CPEB3: variants seen among roughly 807,000 people sequenced by gnomAD.
The protein encoded by CPEB3 is cytoplasmic polyadenylation element-binding protein 3.
Under a neutral mutation model 67.2 loss-of-function variants are expected in CPEB3, and 20 were observed. The observed-to-expected ratio is 0.30, with a 90% CI of 0.21 to 0.43. CPEB3 has a LOEUF of 0.43. Among genes scored for constraint, CPEB3 ranks in the 20% least tolerant of loss-of-function variants. The pLI is 1.00. For synonymous variants in CPEB3, 376 were observed against 393.1 expected (o/e 0.96, Z 0.51); for missense variants, 746 against 968.6 (o/e 0.77, Z 3.05).
At chr10:92,151,044 G>A (rs532954887) in intron 4 of CPEB3, among the ~76,000 whole-genome samples, 2 of 152,296 alleles carry the variant, frequency 1.3e-5, no homozygotes, top group South Asian at 4.1e-4. Flanking sequence ...ATCTCTGAAT[G>A]TGGAGATGGC....
intron 9 of CPEB3, among the ~76,000 whole-genome samples, chr10:92,053,010 G>T (rs1841958248): frequency 6.6e-6 from 1 of 152,234 alleles, no homozygotes; most frequent in South Asian, 2.1e-4. Context: ...ATGCTGCTGT[G>T]AGGCTGTGCA....
At chr10:92,229,323 C>T (rs1203919269) in intron 2 of CPEB3, among the ~76,000 whole-genome samples, 1 of 152,168 alleles carries the variant, frequency 6.6e-6, no homozygotes, top group Non-Finnish European at 1.5e-5. Context: ...CTTCAGCAGC[C>T]ACACCCAGCC....
chr10:92,123,300 A>C (rs1332263509), intron 6 of CPEB3, among the ~76,000 whole-genome samples: 2 of 152,204 alleles, frequency 1.3e-5, no homozygotes, highest in African/African-American at 4.8e-5. Flanking sequence ...CTGACCAAGG[A>C]AACTGAGACC....
At chr10:92,088,039 C>T (rs1023663397) in intron 8 of CPEB3, among the ~76,000 whole-genome samples, 7 of 152,066 alleles carry the variant, frequency 4.6e-5, no homozygotes, top group African/African-American at 1.2e-4. Flanking sequence ...GGCAAACCAT[C>T]GTTGGCTTGC....
chr10:92,128,045 A>C (rs1845681712), intron 6 of CPEB3, among the ~76,000 whole-genome samples: 1 of 152,234 alleles, frequency 6.6e-6, no homozygotes, highest in South Asian at 2.1e-4. Context: ...AATTAGCTAA[A>C]ACTTCATACA....
At chr10:92,224,952 T>A (rs1197195062) in intron 2 of CPEB3, among the ~76,000 whole-genome samples, 1 of 148,242 alleles carries the variant, frequency 6.7e-6, no homozygotes, top group African/African-American at 2.4e-5. Flanking sequence ...TTTAAAAAAA[T>A]GAACCCTACC....
At chr10:92,243,795 T>C (rs1211112510) in intron 1 of CPEB3, among the ~76,000 whole-genome samples, 1 of 152,222 alleles carries the variant, frequency 6.6e-6, no homozygotes, top group Non-Finnish European at 1.5e-5. Context: ...ATGTTAAATG[T>C]GATATCAACC....
rs762713507 is a variant in CPEB3, at chr10:92,048,381, T to TCACACACACACACA, written c.*3830_*3831insTGTGTGTGTGTGTG. The TCACACACACACACA allele has an allele frequency of 5.5e-5, 1 of 18,044 alleles. No homozygotes were observed. The highest frequency in any genetic ancestry group is 1.5e-4 in the African/African-American group (1 of 6,490). 1.1% of individuals were successfully genotyped at this position (18,044 alleles called of 1,614,324 possible). A position where few individuals can be genotyped will look rare whatever the true frequency, so the allele number is the denominator to read the frequency against. On this transcript the variant is annotated 3_prime_UTR_variant, in exon 10 of 10. Coordinates refer to ENST00000265997, the MANE Select transcript of CPEB3 (RefSeq NM_014912.5). This position sits in a 1 kb window ranked among gnomAD's most constrained non-coding sequence, Gnocchi z 4.1. ...CAGTTTTTCTCTCTCTCTCTCTCTC[T>TCACACACACACACA]CTCTCTCACACACACACACACACAC...
chr10:92,227,924 T>C (rs1275822884), intron 2 of CPEB3, among the ~76,000 whole-genome samples: 1 of 151,990 alleles, frequency 6.6e-6, no homozygotes, highest in East Asian at 1.9e-4. Context: ...AATCTCACTC[T>C]GTCGCCCAGG....
intron 4 of CPEB3, among the ~76,000 whole-genome samples, chr10:92,162,296 T>C (rs911691716): frequency 2.6e-5 from 4 of 152,254 alleles, no homozygotes; most frequent in African/African-American, 7.2e-5. Flanking sequence ...TAGTTTGGGG[T>C]ATTAGTAATG....
At position 92,052,177 on chromosome 10, in the gene CPEB3, C is replaced by A; in HGVS notation, c.*35G>T. 6.8e-7 allele frequency: 1 copy of A among 1,463,324 alleles called. No homozygotes were observed. The highest frequency in any genetic ancestry group is 1.1e-5 in the South Asian group (1 of 87,374). The allele number at this position is 1,463,324 out of a possible 1,614,324, so 90.6% of individuals were successfully genotyped here. A position where few individuals can be genotyped will look rare whatever the true frequency, so the allele number is the denominator to read the frequency against. On this transcript the variant is annotated 3_prime_UTR_variant, in exon 10 of 10. Coordinates refer to ENST00000265997, the MANE Select transcript of CPEB3 (RefSeq NM_014912.5). ...GCCCTCTCTTTTCCCTCCTTGTTATCTACTCCAGTACTTGTGGCTGGGTCG... is the reference window on the plus strand; with the variant it reads ...GCCCTCTCTTTTCCCTCCTTGTTATATACTCCAGTACTTGTGGCTGGGTCG...
At chr10:92,156,445 G>A (rs757940345) in intron 4 of CPEB3, among the ~76,000 whole-genome samples, 7 of 152,262 alleles carry the variant, frequency 4.6e-5, no homozygotes, top group Non-Finnish European at 1.0e-4. Flanking sequence ...AATGGAACAG[G>A]AGAAATAAAA....
At chr10:92,243,515 G>A (rs1375909448) in intron 1 of CPEB3, among the ~76,000 whole-genome samples, 1 of 152,132 alleles carries the variant, frequency 6.6e-6, no homozygotes, top group Non-Finnish European at 1.5e-5. Context: ...AGGAAGCCAG[G>A]ATAAAGGGAA....
At chr10:92,277,190 T>C (rs1842032174) in intron 1 of CPEB3, among the ~76,000 whole-genome samples, 1 of 152,226 alleles carries the variant, frequency 6.6e-6, no homozygotes, top group African/African-American at 2.4e-5. Context: ...TATGCTTTTG[T>C]TATTAATCTA....
chr10:92,099,223 CT>C (rs11286697), intron 7 of CPEB3, among the ~76,000 whole-genome samples: 93,127 of 142,238 alleles, frequency 0.65, 30,916 homozygotes, highest in African/African-American at 0.81. Flanking sequence ...GTCTTTTCGT[CT>C]TTTTTTTTTT....
intron 2 of CPEB3, among the ~76,000 whole-genome samples, chr10:92,212,264 G>C (rs1033212517): frequency 7.1e-6 from 1 of 140,216 alleles, no homozygotes; most frequent in Non-Finnish European, 1.5e-5. Context: ...CAGGCAACAA[G>C]ACAGTGGTAC....
intron 6 of CPEB3, among the ~76,000 whole-genome samples, chr10:92,111,782 G>C (rs1844755793): frequency 4.6e-5 from 7 of 152,016 alleles, no homozygotes; most frequent in Admixed American, 4.6e-4. Context: ...CCACTGACAT[G>C]CACATGTCAC....
At chr10:92,056,785 G>T (rs958530690) in intron 9 of CPEB3, among the ~76,000 whole-genome samples, 2 of 152,160 alleles carry the variant, frequency 1.3e-5, no homozygotes, top group Non-Finnish European at 2.9e-5. Flanking sequence ...CCTAACCCCA[G>T]GCTGCACAGC....
intron 8 of CPEB3, among the ~76,000 whole-genome samples, chr10:92,084,164 C>CAA (rs58877359): frequency 0.12 from 10,930 of 93,792 alleles, 1,859 homozygotes; most frequent in African/African-American, 0.4. Flanking sequence ...GACTCTGTCT[C>CAA]AAAAAAAAAA....
Sources: allele counts gnomAD v4.1 joint callset (sites outside exome capture counted in the v4.1 genomes callset), GRCh38; gene constraint gnomAD v4.1.1; non-coding constraint Gnocchi (gnomAD v3.1); transcripts MANE v1.5; gene names NCBI Gene and HGNC (gene_info 2026-07-23, HGNC 2026-07-21).